PLPP1: variants seen among roughly 807,000 people sequenced by gnomAD.
The protein encoded by PLPP1 is lipid phosphate phosphohydrolase 1a.
Under a neutral mutation model 31.2 loss-of-function variants are expected in PLPP1, and 24 were observed. The ratio of observed to expected loss-of-function variants is 0.77; its 90% CI spans 0.56 to 1.08. The LOEUF (loss-of-function observed/expected upper bound fraction) is 1.08. Ranked by LOEUF, PLPP1 falls within the 50% of genes least tolerant of loss-of-function variation. The probability of loss-of-function intolerance (pLI) is 0.00; values close to 1 mark genes in which losing one functional copy is unlikely to be tolerated. For missense variants in PLPP1, 319 were observed against 342.7 expected, an observed-to-expected ratio of 0.93 and a Z score of 0.55; for synonymous variants, 146 against 126.3, an observed-to-expected ratio of 1.16 and a Z score of -1.05.
chr5:55,447,377 T>A (rs193273529), intron 3 of PLPP1, among the ~76,000 whole-genome samples: 2 of 152,330 alleles, frequency 1.3e-5, no homozygotes, highest in Middle Eastern at 3.4e-3. Flanking sequence ...TGCTACAAAT[T>A]AGAATTTCCT....
intron 1 of PLPP1, among the ~76,000 whole-genome samples, chr5:55,511,271 C>T (rs1024513569): frequency 4.6e-5 from 7 of 152,144 alleles, no homozygotes; most frequent in African/African-American, 1.7e-4. Context: ...AGATGGACAA[C>T]CCAAGGTTTG....
intron 2 of PLPP1, among the ~76,000 whole-genome samples, chr5:55,473,859 G>C (rs975017089): frequency 6.6e-6 from 1 of 152,042 alleles, no homozygotes; most frequent in African/African-American, 2.4e-5. Context: ...ATATAGGCAG[G>C]GGTCTTGCTA....
intron 3 of PLPP1, among the ~76,000 whole-genome samples, chr5:55,454,702 A>C (rs1457352107): frequency 6.6e-6 from 1 of 152,194 alleles, no homozygotes; most frequent in Non-Finnish European, 1.5e-5. Context: ...TCCTCTCACA[A>C]AGTGAAGGAT....
intron 1 of PLPP1, among the ~76,000 whole-genome samples, chr5:55,519,840 T>A (rs1363722404): frequency 6.6e-6 from 1 of 152,174 alleles, no homozygotes; most frequent in East Asian, 1.9e-4. Context: ...TGAAGACAGT[T>A]ACCTAAAATT....
intron 3 of PLPP1, among the ~76,000 whole-genome samples, chr5:55,451,745 T>C (rs1751899091): frequency 6.6e-6 from 1 of 152,086 alleles, no homozygotes; most frequent in South Asian, 2.1e-4. Flanking sequence ...GTATTTGTAG[T>C]AGAGACGGGG....
chr5:55,451,656 G>C (rs1439618811), intron 3 of PLPP1, among the ~76,000 whole-genome samples: 2 of 151,994 alleles, frequency 1.3e-5, no homozygotes, highest in Non-Finnish European at 2.9e-5. Flanking sequence ...CTGCCTTCCG[G>C]GTTCAGGCAG....
At chr5:55,475,588 G>A in intron 1 of PLPP1, 138 bp from the exon 2 acceptor site, 4 of 730,536 alleles carry the variant, frequency 5.5e-6, no homozygotes, top group East Asian at 5.7e-5. Flanking sequence ...AAAAGGAAAT[G>A]CAGCAATGCA....
intron 4 of PLPP1, among the ~76,000 whole-genome samples, chr5:55,439,542 T>C (rs996109731): frequency 1.3e-5 from 2 of 152,208 alleles, no homozygotes; most frequent in Non-Finnish European, 2.9e-5. Flanking sequence ...GTTGTTCTTT[T>C]AACACAGTTG....
In PLPP1 at chr5:55,498,370, A is replaced by G. The variant is rs528283521; in HGVS notation, c.59-22920T>C. ...AAGATGTTTAGGAAGTTATTCCTACACAACTGTGGATCGTGTCTCTGTGTA... is the reference window on the plus strand; with the variant it reads ...AAGATGTTTAGGAAGTTATTCCTACGCAACTGTGGATCGTGTCTCTGTGTA... On this transcript the variant is annotated intron_variant, in intron 1 of 5. Transcript: ENST00000307259. 4.6e-5 allele frequency among the ~76,000 whole-genome samples: 7 copies of G among 150,866 alleles called. No individual in the cohort carries two copies. The South Asian group carries it at 1.5e-3, about 32-fold the overall frequency.
intron 3 of PLPP1, among the ~76,000 whole-genome samples, chr5:55,450,280 T>C (rs540331283): frequency 1.1e-4 from 17 of 152,318 alleles, no homozygotes; most frequent in African/African-American, 4.1e-4. Flanking sequence ...CTACAGATAT[T>C]AGGTCATAAA....
At chr5:55,442,040 C>G (rs190348135) in intron 3 of PLPP1, 132 bp from the exon 4 acceptor site, 57 of 797,240 alleles carry the variant, frequency 7.1e-5, no homozygotes, top group Non-Finnish European at 1.0e-4. Flanking sequence ...TAGAAGGGTA[C>G]GGCAGGGGGA....
intron 4 of PLPP1, among the ~76,000 whole-genome samples, chr5:55,428,291 A>T (rs1751259515): frequency 6.6e-6 from 1 of 152,162 alleles, no homozygotes; most frequent in Non-Finnish European, 1.5e-5. Flanking sequence ...CTAGTGACAA[A>T]CAGGCATGGC....
chr5:55,492,686 T>C (rs532946661), intron 1 of PLPP1, among the ~76,000 whole-genome samples: 1 of 152,362 alleles, frequency 6.6e-6, no homozygotes, highest in South Asian at 2.1e-4. Context: ...ACGCATTTTG[T>C]AGCCAACATG....
chr5:55,519,765 A>G (rs1430644474), intron 1 of PLPP1, among the ~76,000 whole-genome samples: 1 of 151,822 alleles, frequency 6.6e-6, no homozygotes, highest in Non-Finnish European at 1.5e-5. Flanking sequence ...AAAAAAGAAA[A>G]AGAAAAAAGT....
In PLPP1 at chr5:55,425,190, G is replaced by C. The variant is rs779676097; in HGVS notation, c.*16C>G. ...TTAGAAAACAGGCCAGCTTCACCTG[G>C]GCACCCTGCTGCCTTTCAAGGCTGG... On this transcript the variant is annotated 3_prime_UTR_variant, in exon 6 of 6. Transcript: ENST00000307259. The C allele has an allele frequency of 4.7e-5, 76 of 1,607,964 alleles. 1 individual carries two copies. In the South Asian group the frequency reaches 8.4e-4, roughly 18 times the overall value.
At chr5:55,523,480 G>A (rs1158444198) in intron 1 of PLPP1, among the ~76,000 whole-genome samples, 2 of 152,080 alleles carry the variant, frequency 1.3e-5, no homozygotes, top group African/African-American at 2.4e-5. Flanking sequence ...TTGTTAGCCA[G>A]GTTGCCTTGG....
chr5:55,444,546 A>C (rs1420982039), intron 3 of PLPP1, among the ~76,000 whole-genome samples: 1 of 152,200 alleles, frequency 6.6e-6, no homozygotes, highest in Non-Finnish European at 1.5e-5. Context: ...AGTACAGTAC[A>C]GTAACAATGT....
intron 4 of PLPP1, among the ~76,000 whole-genome samples, chr5:55,432,791 T>C (rs1188581444): frequency 1.2e-5 from 1 of 86,726 alleles, no homozygotes; most frequent in Admixed American, 1.6e-4. Context: ...TCAACATCCC[T>C]TCATGATTTA....
In PLPP1 at chr5:55,463,098, C is replaced by A. The variant is rs6887250; in HGVS notation, c.491+4771G>T. On this transcript the variant is annotated intron_variant, in intron 3 of 5. Transcript: ENST00000307259. ...ACTAACACAGGAACAGAAAACCAAA[C>A]GCACATGTTCTCATTCCTAAGTGGG... Among the ~76,000 whole-genome samples, 612 of 152,140 alleles carry A rather than the reference C, an allele frequency of 4.0e-3. 4 individuals are homozygous for A. Among genetic ancestry groups the A allele is most frequent in the African/African-American group, 0.014 (584 of 41,504 alleles).
Sources: gnomAD v4.1 joint callset for allele counts (sites outside exome capture counted in the v4.1 genomes callset) on GRCh38, gnomAD v4.1.1 for gene constraint, MANE v1.5 for transcripts, NCBI Gene and HGNC (gene_info 2026-07-23, HGNC 2026-07-21) for gene names.